Variants in GTPBP4 observed in about 807,000 individuals in gnomAD.
The protein encoded by GTPBP4 is GTP binding protein 4, also known as GTP-binding protein 4.
A neutral mutation model predicts 81.7 loss-of-function variants in GTPBP4; 15 were observed. The ratio of observed to expected loss-of-function variants is 0.18; its 90% CI spans 0.12 to 0.28. The LOEUF (loss-of-function observed/expected upper bound fraction) is 0.28. GTPBP4 is among the 10% of genes least tolerant of loss of function. The pLI is 1.00. For missense variants in GTPBP4, 847 were observed against 793.8 expected (o/e 1.07, Z -0.81); for synonymous variants, 272 against 274.6 (o/e 0.99, Z 0.09).
At position 1,000,814 on chromosome 10, in the gene GTPBP4, G is replaced by C; in HGVS notation, c.792G>C (p.Gly264=). 1 of 1,611,226 alleles carries C rather than the reference G, an allele frequency of 6.2e-7. No homozygotes were observed. The highest frequency in any genetic ancestry group is 8.5e-7 in the Non-Finnish European group (1 of 1,178,400). ...VMDLSEQCGH[G]LREQLELFQN... is the part of the protein sequence containing the mutation. Reference sequence around the variant, plus strand: ...ATTTGTCTGAGCAGTGTGGGCATGGGCTGAGGGAGCAGCTAGAACTCTTCC... The same window carrying C: ...ATTTGTCTGAGCAGTGTGGGCATGGCCTGAGGGAGCAGCTAGAACTCTTCC... Residue 264 remains glycine (G), a synonymous_variant, in exon 7 of 17, where the codon GGG becomes GGC. Coordinates refer to ENST00000360803, the MANE Select transcript of GTPBP4 (RefSeq NM_012341.3).
Position 1,010,403 on chromosome 10 carries a change from C to G in GTPBP4, c.1244-17C>G, listed in dbSNP as rs1554816982. 2.2e-6 allele frequency: 3 copies of G among 1,338,122 alleles called. No individual in the cohort carries two copies. The highest frequency in any genetic ancestry group is 2.9e-5 in the African/African-American group (2 of 69,278). The allele number at this position is 1,338,122 out of a possible 1,614,324, so 82.9% of individuals were successfully genotyped here. On this transcript the variant is annotated splice_polypyrimidine_tract_variant and intron_variant, in intron 12 of 16. Transcript: ENST00000360803. ...TAAAAACTGCTGTAAACGTAACCAC[C>G]TTTTTTTTAACTTTAGAGTACTGGG...
Position 995,960 on chromosome 10 carries a change from A to C in GTPBP4, c.251A>C (p.Asn84Thr), listed in dbSNP as rs1457075234. ...DIHPFYADLMNILYDKDHYKL... is the reference protein window; with the variant it reads ...DIHPFYADLMTILYDKDHYKL... ...CATCCGTTCTATGCTGATTTGATGA[A>C]TATTCTCTACGACAAGGATCATTAC... is the stretch of plus-strand genomic sequence containing the variant. Residue 84 changes from asparagine (N) to threonine (T), a missense_variant, in exon 3 of 17, where the codon AAT becomes ACT. Coordinates refer to ENST00000360803, the MANE Select transcript of GTPBP4 (RefSeq NM_012341.3). 1 of 1,610,928 alleles carries C rather than the reference A, an allele frequency of 6.2e-7. No individual in the cohort carries two copies. The highest frequency in any genetic ancestry group is 8.5e-7 in the Non-Finnish European group (1 of 1,177,068).
At chr10:1,012,416 G>A in intron 13 of GTPBP4, 49 bp from the exon 14 acceptor site, 1 of 1,293,602 alleles carries the variant, frequency 7.7e-7, no homozygotes. Context: ...CACTGACTCA[G>A]GGGTTTTCTC....
intron 8 of GTPBP4, among the ~76,000 whole-genome samples, chr10:1,001,733 T>C (rs1344343282): frequency 6.6e-6 from 1 of 151,658 alleles, no homozygotes; most frequent in African/African-American, 2.4e-5. Context: ...TATTGATTTC[T>C]AGTTTTATTC....
At chr10:998,765 G>A (rs1831575844) in intron 5 of GTPBP4, among the ~76,000 whole-genome samples, 1 of 152,328 alleles carries the variant, frequency 6.6e-6, no homozygotes, top group South Asian at 2.1e-4. Context: ...CAGGACTTGG[G>A]AGGGTGAGGG....
At chr10:1,002,498 G>T (rs572158389) in intron 8 of GTPBP4, among the ~76,000 whole-genome samples, 230 of 152,270 alleles carry the variant, frequency 1.5e-3, no homozygotes, top group African/African-American at 5.3e-3. Flanking sequence ...TACAGGTTAA[G>T]TGAATTTCTT....
At chr10:1,014,369 A>G in intron 15 of GTPBP4, 57 bp downstream of exon 15, 1 of 1,303,360 alleles carries the variant, frequency 7.7e-7, no homozygotes, top group Non-Finnish European at 1.1e-6. Context: ...TTTAATAAAG[A>G]AAACTGGCCG....
chr10:991,965 G>T (rs1360879003), intron 1 of GTPBP4, among the ~76,000 whole-genome samples: 1 of 150,556 alleles, frequency 6.6e-6, no homozygotes, highest in African/African-American at 2.4e-5. Flanking sequence ...AAAGTGCTGG[G>T]ATTACAGGCG....
chr10:995,775 A>C (rs1349296387), intron 2 of GTPBP4, among the ~76,000 whole-genome samples, 154 bp from the exon 3 acceptor site: 1 of 152,156 alleles, frequency 6.6e-6, no homozygotes, highest in Non-Finnish European at 1.5e-5. Flanking sequence ...CTGTTTTCTC[A>C]GAGGACTAAA....
chr10:1,002,786 C>T (rs992576784), intron 8 of GTPBP4, among the ~76,000 whole-genome samples: 9 of 152,088 alleles, frequency 5.9e-5, no homozygotes, highest in African/African-American at 2.2e-4. Context: ...TGCTGTTAGT[C>T]TAATGGGGAT....
intron 8 of GTPBP4, among the ~76,000 whole-genome samples, chr10:1,003,567 C>T (rs1252852552): frequency 1.3e-5 from 2 of 152,250 alleles, no homozygotes; most frequent in African/African-American, 2.4e-5. Flanking sequence ...GAGGTTTTCA[C>T]CTCACTTGGG....
Position 1,014,315 on chromosome 10 carries a change from G to T in GTPBP4, c.1608+3G>T. On this transcript the variant is annotated splice_donor_region_variant and intron_variant, in intron 15 of 16. Coordinates refer to ENST00000360803, the MANE Select transcript of GTPBP4 (RefSeq NM_012341.3). ...TTGACATGGACGATAAAGACGATGT[G>T]AGTGTGGGGGCGGTTCATGTGTTTA... 1.2e-6 allele frequency: 2 copies of T among 1,600,818 alleles called. No individual in the cohort carries two copies. The highest frequency in any genetic ancestry group is 4.5e-5 in the East Asian group (2 of 44,776).
intron 2 of GTPBP4, among the ~76,000 whole-genome samples, chr10:994,147 T>C (rs998439164): frequency 1.3e-5 from 2 of 152,328 alleles, no homozygotes; most frequent in South Asian, 4.1e-4. Flanking sequence ...CTAGCTAGGA[T>C]TTGACACAGT....
Position 1,000,716 on chromosome 10 carries a change from G to T in GTPBP4, c.694G>T (p.Asp232Tyr), listed in dbSNP as rs752471400. Residue 232 changes from aspartate (D) to tyrosine (Y), a missense_variant, in exon 7 of 17, where the codon GAT (aspartate) becomes TAT (tyrosine). This residue lies in a region of GTPBP4 where 600 missense variants were observed against 557.1 expected (regional missense o/e 1.08). Coordinates refer to ENST00000360803, the MANE Select transcript of GTPBP4 (RefSeq NM_012341.3). ...TPGILDHPLE[D>Y]RNTIEMQAIT... ...TGGGATCCTGGACCACCCTCTGGAG[G>T]ATAGGAACACCATCGAGATGCAGGC... The T allele has an allele frequency of 1.6e-5, 25 of 1,568,250 alleles. No homozygotes were observed. Among genetic ancestry groups the T allele is most frequent in the Non-Finnish European group, 2.2e-5 (25 of 1,158,172 alleles).
At position 1,017,245 on chromosome 10, in the gene GTPBP4, T is replaced by C. The variant is rs1040752110; in HGVS notation, c.*18T>C. The C allele has an allele frequency of 2.5e-6, 4 of 1,610,718 alleles. No homozygotes were observed. In the African/African-American group the frequency reaches 5.3e-5, roughly 22 times the overall value. On this transcript the variant is annotated 3_prime_UTR_variant, in exon 17 of 17. Transcript: ENST00000360803. The stretch of plus-strand genomic sequence containing the variant: ...GGAGATAGTATCCGTTTGGTTGGCG[T>C]GGCTTCGCTAGAGTGTTGCTGTTTA...
chr10:988,887 G>A (rs923467023), intron 1 of GTPBP4: 3 of 237,440 alleles, frequency 1.3e-5, no homozygotes, highest in Non-Finnish European at 2.5e-5. Flanking sequence ...GCGTTCCGTG[G>A]TCCGTGATGA....
chr10:1,000,001 C>T lies in GTPBP4; in HGVS notation c.655-676C>T, dbSNP rs534483167. Among the ~76,000 whole-genome samples the T allele has an allele frequency of 6.6e-5, 10 of 152,230 alleles. No homozygotes were observed. In the East Asian group the frequency reaches 1.2e-3, roughly 18 times the overall value. The stretch of plus-strand genomic sequence containing the variant: ...TACAAAGCAAGAAGCAATGTTTCCA[C>T]ACTCTAATTTTGTAAATTGTGAAGA... On this transcript the variant is annotated intron_variant, in intron 6 of 16. Transcript: ENST00000360803.
Position 1,000,720 on chromosome 10 carries a change from G to A in GTPBP4, c.698G>A (p.Arg233Lys). Residue 233 changes from arginine (R) to lysine (K), a missense_variant, in exon 7 of 17, where the codon AGG (arginine) becomes AAG (lysine). By Grantham distance (26) the Arg-to-Lys change is conservative. Around this residue, in one of 3 missense-constraint regions of GTPBP4, gnomAD observed 600 missense variants for 557.1 expected, o/e 1.08. Transcript: ENST00000360803. The part of the protein sequence containing the change: ...PGILDHPLED[R>K]NTIEMQAITA... Reference sequence around the variant, plus strand: ...ATCCTGGACCACCCTCTGGAGGATAGGAACACCATCGAGATGCAGGCCATC... The same window carrying A: ...ATCCTGGACCACCCTCTGGAGGATAAGAACACCATCGAGATGCAGGCCATC... 3 of 1,572,146 alleles carry A rather than the reference G, an allele frequency of 1.9e-6. No homozygotes were observed. The highest frequency in any genetic ancestry group is 2.6e-6 in the Non-Finnish European group (3 of 1,159,956).
chr10:1,013,718 G>A (rs1831922664), intron 14 of GTPBP4, among the ~76,000 whole-genome samples: 1 of 152,216 alleles, frequency 6.6e-6, no homozygotes, highest in South Asian at 2.1e-4. Flanking sequence ...GGGACTGGGG[G>A]AAGAAAGCCC....
Sources: gnomAD v4.1 joint callset for allele counts (sites outside exome capture counted in the v4.1 genomes callset) on GRCh38, gnomAD v4.1.1 for gene constraint, gnomAD v4.1.1 regional missense constraint, MANE v1.5 for transcripts, NCBI Gene and HGNC (gene_info 2026-07-23, HGNC 2026-07-21) for gene names.